Variants in MTHFD1L observed in about 807,000 individuals in gnomAD.
The protein encoded by MTHFD1L is monofunctional C1-tetrahydrofolate synthase, mitochondrial.
MTHFD1L carries 81 observed loss-of-function variants against 119.5 expected under a neutral mutation model. The observed-to-expected ratio is 0.68, with a 90% CI of 0.57 to 0.82. The LOEUF (loss-of-function observed/expected upper bound fraction) is 0.82, where lower values mean the gene tolerates loss of function less well. MTHFD1L is among the 40% of genes least tolerant of loss of function. MTHFD1L has a pLI of 0.00. For missense variants in MTHFD1L, 1,125 were observed against 1,253.4 expected, an observed-to-expected ratio of 0.90 and a Z score of 1.55; for synonymous variants, 430 against 475.2, an observed-to-expected ratio of 0.90 and a Z score of 1.24.
At chr6:150,890,784 A>G (rs570103377) in intron 7 of MTHFD1L, among the ~76,000 whole-genome samples, 6 of 152,334 alleles carry the variant, frequency 3.9e-5, no homozygotes, top group African/African-American at 1.4e-4. Flanking sequence ...CTTGGAAGAG[A>G]GCCAAGCAGG....
At chr6:150,981,719 A>G (rs1266614856) in intron 20 of MTHFD1L, among the ~76,000 whole-genome samples, 2 of 152,178 alleles carry the variant, frequency 1.3e-5, no homozygotes, top group Non-Finnish European at 2.9e-5. Flanking sequence ...AACAGATGTT[A>G]TTATTGGTTC....
chr6:150,905,826 T>C, intron 8 of MTHFD1L, 65 bp downstream of exon 8: 2 of 1,252,814 alleles, frequency 1.6e-6, no homozygotes, highest in Non-Finnish European at 2.3e-6. Context: ...AATGTTAACC[T>C]TTTCCTAAGA....
At chr6:150,961,468 G>C (rs951646634) in intron 18 of MTHFD1L, among the ~76,000 whole-genome samples, 1 of 152,166 alleles carries the variant, frequency 6.6e-6, no homozygotes, top group Non-Finnish European at 1.5e-5. Flanking sequence ...AAGTGCATGG[G>C]TGTGGACACA....
rs538096778 is a variant in MTHFD1L, at chr6:151,039,810, G to A, written c.2847+2693G>A. ...GGCACCTATAATCCCAGCTGCTCAG[G>A]AGGCTGAGGCAGGAGAATCGCTTGA... On this transcript the variant is annotated intron_variant, in intron 26 of 27. Transcript: ENST00000367321. This position sits in a 1 kb window ranked among gnomAD's most constrained non-coding sequence, Gnocchi z 4.4. Among the ~76,000 whole-genome samples the A allele has an allele frequency of 6.6e-6, 1 of 152,214 alleles. No individual in the cohort carries two copies. Among genetic ancestry groups the A allele is most frequent in the East Asian group, 1.9e-4 (1 of 5,162 alleles).
intron 18 of MTHFD1L, among the ~76,000 whole-genome samples, chr6:150,963,688 A>G (rs550888361): frequency 2.0e-5 from 3 of 152,246 alleles, no homozygotes; most frequent in East Asian, 3.8e-4. Flanking sequence ...TGTTAGCGCC[A>G]TGGCATACTG....
intron 26 of MTHFD1L, among the ~76,000 whole-genome samples, chr6:151,074,992 A>G (rs1417233232): frequency 6.6e-6 from 1 of 152,226 alleles, no homozygotes; most frequent in Non-Finnish European, 1.5e-5. Flanking sequence ...AAAGAGTTGT[A>G]ACCTTGTTAT....
chr6:150,968,003 C>G (rs770299371), intron 19 of MTHFD1L, among the ~76,000 whole-genome samples: 1 of 152,214 alleles, frequency 6.6e-6, no homozygotes, highest in South Asian at 2.1e-4. Context: ...CTCTCATCCT[C>G]TGGGGGACCT....
intron 8 of MTHFD1L, among the ~76,000 whole-genome samples, chr6:150,908,962 A>T (rs1312141674): frequency 6.6e-6 from 1 of 152,154 alleles, no homozygotes; most frequent in Admixed American, 6.5e-5. Context: ...GGCTGGGTGA[A>T]GACAGAGTTT....
At chr6:150,893,077 C>T (rs1429921522) in intron 7 of MTHFD1L, among the ~76,000 whole-genome samples, 5 of 151,240 alleles carry the variant, frequency 3.3e-5, no homozygotes, top group Non-Finnish European at 4.4e-5. Context: ...GGATTTTTTT[C>T]CCCTTGAGAC....
intron 24 of MTHFD1L, among the ~76,000 whole-genome samples, chr6:151,025,328 G>A (rs956705674): frequency 7.9e-5 from 12 of 152,334 alleles, no homozygotes; most frequent in African/African-American, 2.6e-4. Context: ...CAACGATACA[G>A]GGGCCTGTTG....
chr6:150,966,572 C>G (rs938606701), intron 19 of MTHFD1L, among the ~76,000 whole-genome samples: 1 of 152,174 alleles, frequency 6.6e-6, no homozygotes, highest in Admixed American at 6.5e-5. Context: ...CCTGTAATCC[C>G]AGCACTTTGG....
chr6:151,066,185 C>G, intron 26 of MTHFD1L, among the ~76,000 whole-genome samples: 1 of 152,102 alleles, frequency 6.6e-6, no homozygotes, highest in Non-Finnish European at 1.5e-5. Context: ...GCCTGTAATC[C>G]CAGCACTTTG....
intron 26 of MTHFD1L, among the ~76,000 whole-genome samples, chr6:151,042,716 A>G (rs992846962): frequency 2.8e-4 from 42 of 152,368 alleles, no homozygotes; most frequent in African/African-American, 9.9e-4. Context: ...TATATGAAAC[A>G]ATATTATTGA....
chr6:151,033,425 T>C (rs17054342), intron 24 of MTHFD1L, among the ~76,000 whole-genome samples: 1 of 152,108 alleles, frequency 6.6e-6, no homozygotes, highest in Non-Finnish European at 1.5e-5. Context: ...TGGCCACATA[T>C]GCATCTTTAC....
At chr6:151,034,073 C>T (rs562873872) in intron 24 of MTHFD1L, among the ~76,000 whole-genome samples, 1 of 151,774 alleles carries the variant, frequency 6.6e-6, no homozygotes, top group Non-Finnish European at 1.5e-5. Flanking sequence ...CGCAGCTACT[C>T]AGGAGGCTGA....
At chr6:150,901,266 C>G (rs752420540) in intron 7 of MTHFD1L, among the ~76,000 whole-genome samples, 8 of 152,088 alleles carry the variant, frequency 5.3e-5, no homozygotes, top group Non-Finnish European at 1.0e-4. Flanking sequence ...CCCAGGAATT[C>G]AAGACCAGCC....
At chr6:151,053,254 C>T (rs779702636) in intron 26 of MTHFD1L, among the ~76,000 whole-genome samples, 1 of 152,176 alleles carries the variant, frequency 6.6e-6, no homozygotes, top group Non-Finnish European at 1.5e-5. Context: ...TTTCCATTAT[C>T]TTTGCTCTGT....
intron 7 of MTHFD1L, among the ~76,000 whole-genome samples, chr6:150,894,259 A>G (rs1022197511): frequency 6.6e-6 from 1 of 152,004 alleles, no homozygotes; most frequent in Non-Finnish European, 1.5e-5. Flanking sequence ...TAGGCAAATC[A>G]CTCAGATCGT....
chr6:151,017,830 CTTTTTTTTTTTTTT>C lies in MTHFD1L; in HGVS notation c.2586+2146_2586+2159del, dbSNP rs895364993. ...AAGTATCCCTTCAAGACCGTGTTTT[CTTTTTTTTTTTTTT>C]TTTTTTTTGAGACGGAGTCTTGCTC... On this transcript the variant is annotated intron_variant, in intron 24 of 27. Coordinates refer to ENST00000367321, the MANE Select transcript of MTHFD1L (RefSeq NM_015440.5). Among the ~76,000 whole-genome samples the C allele has an allele frequency of 1.0e-4, 10 of 99,012 alleles. No homozygotes were observed. In the Admixed American group the frequency reaches 1.1e-3, roughly 10 times the overall value. 65.0% of individuals were successfully genotyped at this position (99,012 alleles called of 152,430 possible). A position where few individuals can be genotyped will look rare whatever the true frequency, so the allele number is the denominator to read the frequency against.
Sources: gnomAD v4.1 joint callset for allele counts (sites outside exome capture counted in the v4.1 genomes callset) on GRCh38, gnomAD v4.1.1 for gene constraint, Gnocchi (gnomAD v3.1) non-coding constraint, MANE v1.5 for transcripts, NCBI Gene and HGNC (gene_info 2026-07-23, HGNC 2026-07-21) for gene names.